The following WWOX variants were observed in gnomAD, a reference collection of about 807,000 sequenced individuals.
The protein encoded by WWOX is WW domain-containing oxidoreductase.
WWOX carries 69 observed loss-of-function variants against 46.2 expected under a neutral mutation model. The observed-to-expected ratio is 1.49, with a 90% CI of 1.23 to 1.82. The LOEUF (loss-of-function observed/expected upper bound fraction) is 1.82. Ranked by LOEUF, WWOX falls within the 40% of genes most tolerant of loss-of-function variation. WWOX has a pLI of 0.00. For missense variants in WWOX, 919 were observed against 542.6 expected, an observed-to-expected ratio of 1.69 and a Z score of -6.89; for synonymous variants, 359 against 202.6, an observed-to-expected ratio of 1.77 and a Z score of -6.56.
chr16:78,911,138 T>C (rs79764616), intron 8 of WWOX, among the ~76,000 whole-genome samples: 62 of 152,104 alleles, frequency 4.1e-4, no homozygotes, highest in Non-Finnish European at 7.4e-4. Flanking sequence ...CTGCTTGTCT[T>C]CCTAGGCCCT....
At chr16:78,233,581 C>T (rs1017044139) in intron 5 of WWOX, among the ~76,000 whole-genome samples, 2 of 145,530 alleles carry the variant, frequency 1.4e-5, no homozygotes, top group African/African-American at 2.6e-5. Context: ...GGCTGGAGTG[C>T]ACTATCGCGA....
chr16:78,718,721 A>G (rs920764181), intron 8 of WWOX, among the ~76,000 whole-genome samples: 1 of 152,064 alleles, frequency 6.6e-6, no homozygotes, highest in Non-Finnish European at 1.5e-5. Flanking sequence ...AGCTTAGGAG[A>G]GTTCCAATGT....
intron 4 of WWOX, among the ~76,000 whole-genome samples, chr16:78,130,609 A>G (rs900303371): frequency 6.6e-6 from 1 of 152,184 alleles, no homozygotes; most frequent in Non-Finnish European, 1.5e-5. Context: ...GCTATTTTCC[A>G]TGGTCAGTTT....
At chr16:78,609,667 G>C (rs983079632) in intron 8 of WWOX, among the ~76,000 whole-genome samples, 5 of 151,966 alleles carry the variant, frequency 3.3e-5, no homozygotes, top group Non-Finnish European at 7.4e-5. Flanking sequence ...CCTGTCTTTG[G>C]ACATCTACTC....
chr16:79,109,761 G>A (rs566840450), intron 8 of WWOX, among the ~76,000 whole-genome samples: 11 of 152,062 alleles, frequency 7.2e-5, no homozygotes, highest in South Asian at 2.1e-4. Context: ...TTATCTGAGC[G>A]TTCGCATCAG....
chr16:79,196,993 T>C (rs2051253338), intron 8 of WWOX, among the ~76,000 whole-genome samples: 1 of 152,154 alleles, frequency 6.6e-6, no homozygotes, highest in African/African-American at 2.4e-5. Context: ...GGTGCTGCAG[T>C]ATTAACTGAG....
chr16:78,463,124 A>G (rs2083991440), intron 8 of WWOX, among the ~76,000 whole-genome samples: 2 of 152,128 alleles, frequency 1.3e-5, no homozygotes, highest in Non-Finnish European at 2.9e-5. Flanking sequence ...ATTCTGTGTT[A>G]CTGTAGGAGA....
intron 8 of WWOX, among the ~76,000 whole-genome samples, chr16:78,485,559 G>A (rs933971125): frequency 6.6e-6 from 1 of 152,144 alleles, no homozygotes; most frequent in Non-Finnish European, 1.5e-5. Flanking sequence ...CTAAATTAAT[G>A]TATACTGTGT....
At chr16:79,199,822 A>G (rs902845668) in intron 8 of WWOX, among the ~76,000 whole-genome samples, 12 of 152,186 alleles carry the variant, frequency 7.9e-5, no homozygotes, top group African/African-American at 1.9e-4. Context: ...CTGAGTAGCA[A>G]TGTGCATTTG....
intron 8 of WWOX, among the ~76,000 whole-genome samples, chr16:78,740,063 G>C (rs975454368): frequency 2.0e-5 from 3 of 152,052 alleles, no homozygotes; most frequent in African/African-American, 7.2e-5. Context: ...ACCCCACTGT[G>C]GTCACCTTTG....
chr16:78,171,220 C>A (rs538766025), intron 5 of WWOX, among the ~76,000 whole-genome samples: 4 of 152,148 alleles, frequency 2.6e-5, no homozygotes, highest in Admixed American at 2.0e-4. Flanking sequence ...GAAACTGCCG[C>A]ATCCTGTGTT....
At chr16:78,244,278 A>T (rs752460654) in intron 5 of WWOX, among the ~76,000 whole-genome samples, 1 of 152,258 alleles carries the variant, frequency 6.6e-6, no homozygotes, top group East Asian at 1.9e-4. Flanking sequence ...TGTCTGGCAC[A>T]TAAGGAAGTG....
At chr16:78,932,430 G>C (rs2045643560) in intron 8 of WWOX, among the ~76,000 whole-genome samples, 1 of 152,166 alleles carries the variant, frequency 6.6e-6, no homozygotes, top group African/African-American at 2.4e-5. Flanking sequence ...GCGTCAGAGA[G>C]TTCTTTTTCA....
chr16:78,978,965 C>T (rs543226610), intron 8 of WWOX, among the ~76,000 whole-genome samples: 3 of 152,122 alleles, frequency 2.0e-5, no homozygotes, highest in Non-Finnish European at 2.9e-5. Context: ...CTTTACTCTC[C>T]CCTACACCTT....
intron 8 of WWOX, among the ~76,000 whole-genome samples, chr16:79,046,686 T>G (rs2048071898): frequency 6.6e-6 from 1 of 152,096 alleles, no homozygotes; most frequent in Non-Finnish European, 1.5e-5. Context: ...AGCAGGAGAT[T>G]TTGAACCGAC....
At chr16:79,082,848 T>C (rs781478540) in intron 8 of WWOX, among the ~76,000 whole-genome samples, 29 of 152,306 alleles carry the variant, frequency 1.9e-4, no homozygotes, top group Non-Finnish European at 3.4e-4. Context: ...ACAGAGGTCA[T>C]GAATTGTCCG....
chr16:78,974,568 A>T (rs1258494985), intron 8 of WWOX, among the ~76,000 whole-genome samples: 5 of 152,228 alleles, frequency 3.3e-5, no homozygotes, highest in Non-Finnish European at 7.3e-5. Context: ...ATATTGTGCA[A>T]TGTGCAGGGA....
intron 8 of WWOX, among the ~76,000 whole-genome samples, chr16:78,674,316 G>C (rs1031496142): frequency 1.5e-5 from 2 of 130,412 alleles, no homozygotes; most frequent in Admixed American, 8.3e-5. Context: ...AAAGAGTTTT[G>C]CTCTTTTCCC....
intron 8 of WWOX, among the ~76,000 whole-genome samples, chr16:78,739,823 A>T (rs1181950310): frequency 6.6e-6 from 1 of 152,154 alleles, no homozygotes; most frequent in Non-Finnish European, 1.5e-5. Flanking sequence ...AAAACAAACA[A>T]ACAAACAAAC....
Sources: gnomAD v4.1 joint callset for allele counts (sites outside exome capture counted in the v4.1 genomes callset) on GRCh38, gnomAD v4.1.1 for gene constraint, MANE v1.5 for transcripts, NCBI Gene and HGNC (gene_info 2026-07-23, HGNC 2026-07-21) for gene names.